The following APPL2 variants were observed in gnomAD, a reference collection of about 807,000 sequenced individuals.
APPL2 encodes the protein adaptor protein, phosphotyrosine interacting with PH domain and leucine zipper 2.
A neutral mutation model predicts 92.7 loss-of-function variants in APPL2; 84 were observed. That is an observed-to-expected ratio of 0.91 (90% CI 0.76 to 1.09). The LOEUF (loss-of-function observed/expected upper bound fraction) is 1.09, where lower values mean the gene tolerates loss of function less well. APPL2 is among the 50% of genes least tolerant of loss of function. The pLI is 0.00. For synonymous variants in APPL2, 291 were observed against 291.0 expected (o/e 1.00, Z 0.00); for missense variants, 736 against 824.5 (o/e 0.89, Z 1.31).
At chr12:105,177,053 T>C (rs1314963572) in intron 18 of APPL2, 37 bp from the exon 19 acceptor site, 1 of 1,612,392 alleles carries the variant, frequency 6.2e-7, no homozygotes, top group South Asian at 1.1e-5. Context: ...ATCATACAAC[T>C]ACTAGAATTA....
At chr12:105,178,232 G>T (rs1218697260) in intron 17 of APPL2, among the ~76,000 whole-genome samples, 2 of 152,074 alleles carry the variant, frequency 1.3e-5, no homozygotes, top group Non-Finnish European at 2.9e-5. Flanking sequence ...ACTCGTGTTG[G>T]AATAATTAAC....
intron 19 of APPL2, chr12:105,176,344 G>A: frequency 1.9e-6 from 1 of 539,366 alleles, no homozygotes; most frequent in Non-Finnish European, 3.2e-6. Flanking sequence ...GTTCTTAATA[G>A]GAATTTTTCT....
In APPL2 at chr12:105,195,915, C is replaced by T. The variant is rs75819316; in HGVS notation, c.1053-288G>A. 2.8e-3 allele frequency among the ~76,000 whole-genome samples: 431 copies of T among 151,964 alleles called. 16 individuals carry two copies. In the East Asian group the frequency reaches 0.072, roughly 25 times the overall value. ...ACAAAAAATACAAAAATTAGCTGGG[C>T]GTGGTGGCGTGTGCCTGTAGTCCTA... On this transcript the variant is annotated intron_variant, in intron 11 of 20. Transcript: ENST00000258530.
chr12:105,177,115 A>G, intron 18 of APPL2, 99 bp from the exon 19 acceptor site: 1 of 1,596,068 alleles, frequency 6.3e-7, no homozygotes, highest in Admixed American at 1.7e-5. Context: ...GTATCCTATT[A>G]GTCCTATTAG....
intron 8 of APPL2, 88 bp downstream of exon 8, chr12:105,206,973 C>T (rs574163672): frequency 6.1e-6 from 9 of 1,486,724 alleles, no homozygotes; most frequent in African/African-American, 1.4e-5. Flanking sequence ...TTTCTTTCTA[C>T]GACGATGCTT....
chr12:105,184,568 G>A (rs1886415447), intron 17 of APPL2, among the ~76,000 whole-genome samples: 1 of 152,132 alleles, frequency 6.6e-6, no homozygotes, highest in African/African-American at 2.4e-5. Flanking sequence ...TCTTTGCCTG[G>A]GTATCACCAG....
chr12:105,227,265 T>G (rs1168852684), intron 2 of APPL2, among the ~76,000 whole-genome samples: 1 of 152,196 alleles, frequency 6.6e-6, no homozygotes, highest in Non-Finnish European at 1.5e-5. Context: ...GTCTCCCAAG[T>G]GCTGGGATTA....
chr12:105,212,345 T>G (rs755204657), intron 4 of APPL2, among the ~76,000 whole-genome samples: 1 of 152,216 alleles, frequency 6.6e-6, no homozygotes, highest in Non-Finnish European at 1.5e-5. Context: ...TCCCTATCAG[T>G]GCATTTTTGA....
intron 2 of APPL2, among the ~76,000 whole-genome samples, chr12:105,224,823 C>T (rs553191360): frequency 3.9e-5 from 6 of 152,308 alleles, no homozygotes; most frequent in South Asian, 2.1e-4. Flanking sequence ...GTTTCCCACT[C>T]GGTACATTCA....
intron 1 of APPL2, among the ~76,000 whole-genome samples, chr12:105,230,539 C>A (rs1379319613): frequency 6.6e-6 from 1 of 152,194 alleles, no homozygotes; most frequent in Non-Finnish European, 1.5e-5. Flanking sequence ...AGCACTTTAC[C>A]AAATACAACT....
intron 5 of APPL2, among the ~76,000 whole-genome samples, chr12:105,210,117 T>A (rs982155243): frequency 6.6e-6 from 1 of 152,160 alleles, no homozygotes; most frequent in African/African-American, 2.4e-5. Context: ...TGCGCCACCA[T>A]GCCCGGCTAA....
At position 105,208,192 on chromosome 12, in the gene APPL2, G is replaced by A; in HGVS notation, c.381C>T (p.Ser127=). 1 of 1,614,198 alleles carries A rather than the reference G, an allele frequency of 6.2e-7. No individual in the cohort carries two copies. The highest frequency in any genetic ancestry group is 8.5e-7 in the Non-Finnish European group (1 of 1,180,034). Residue 127 remains serine, a synonymous_variant, in exon 6 of 21, where the codon AGC becomes AGT. Transcript: ENST00000258530. The part of the protein sequence containing the change: ...QFREKDLTEV[S]TLKDLFGLAS... ...CGAGTCCAAATAGATCCTTTAAAGT[G>A]CTTACTTCTGAAAAGGAGAAAAGGG...
intron 3 of APPL2, among the ~76,000 whole-genome samples, 178 bp from the exon 4 acceptor site, chr12:105,217,318 G>C (rs751718129): frequency 1.3e-5 from 2 of 152,026 alleles, no homozygotes; most frequent in Non-Finnish European, 2.9e-5. Flanking sequence ...CTGCCCCCAG[G>C]GTGCACTCAT....
chr12:105,209,951 A>G (rs1889071709), intron 5 of APPL2, among the ~76,000 whole-genome samples: 1 of 151,292 alleles, frequency 6.6e-6, no homozygotes, highest in Admixed American at 6.6e-5. Flanking sequence ...AAAGCAAGGG[A>G]GGAAAATCTT....
intron 11 of APPL2, 99 bp downstream of exon 11, chr12:105,197,666 C>T: frequency 7.5e-6 from 11 of 1,457,560 alleles, no homozygotes; most frequent in South Asian, 1.2e-5. Context: ...TGGGGCCTCT[C>T]CCACAGAGGG....
At chr12:105,212,806 AG>A (rs1402625907) in intron 4 of APPL2, among the ~76,000 whole-genome samples, 1 of 152,212 alleles carries the variant, frequency 6.6e-6, no homozygotes, top group Non-Finnish European at 1.5e-5. Flanking sequence ...TGGTCCTTCG[AG>A]GCTGTGGCTT....
At chr12:105,185,348 C>T (rs1488047070) in intron 17 of APPL2, among the ~76,000 whole-genome samples, 1 of 152,178 alleles carries the variant, frequency 6.6e-6, no homozygotes, top group African/African-American at 2.4e-5. Flanking sequence ...GCCCAAATGG[C>T]CGCCCAGTTT....
chr12:105,180,754 T>C (rs779578253), intron 17 of APPL2, among the ~76,000 whole-genome samples: 4 of 152,138 alleles, frequency 2.6e-5, no homozygotes, highest in Non-Finnish European at 5.9e-5. Context: ...CACTCATGAT[T>C]TGGCTGTTTG....
In APPL2 at chr12:105,208,157, C is replaced by T. The variant is rs773877511; in HGVS notation, c.415+1G>A. 5.0e-6 allele frequency: 8 copies of T among 1,614,126 alleles called. No individual in the cohort carries two copies. In the African/African-American group the frequency reaches 1.1e-4, roughly 22 times the overall value. On this transcript the variant is annotated splice_donor_variant, in intron 6 of 20. Transcript: ENST00000258530. LOFTEE classifies it high-confidence loss of function. Reference sequence around the variant, plus strand: ...ACACCAGGAATGGAGAAGGTGCCTACCATTGCTAGCGAGTCCAAATAGATC... The same window carrying T: ...ACACCAGGAATGGAGAAGGTGCCTATCATTGCTAGCGAGTCCAAATAGATC...
Sources: gnomAD v4.1 joint callset for allele counts (sites outside exome capture counted in the v4.1 genomes callset) on GRCh38, gnomAD v4.1.1 for gene constraint, MANE v1.5 for transcripts, NCBI Gene and HGNC (gene_info 2026-07-23, HGNC 2026-07-21) for gene names.